Variants in PARD3B observed in about 807,000 individuals in gnomAD.
PARD3B encodes par-3 family cell polarity regulator beta.
In PARD3B, 103 loss-of-function variants were observed where a neutral mutation model predicts 130.2. The observed-to-expected ratio is 0.79, with a 90% CI of 0.67 to 0.93. The LOEUF (loss-of-function observed/expected upper bound fraction) is 0.93. PARD3B is among the 40% of genes least tolerant of loss of function. The probability of loss-of-function intolerance (pLI) is 0.00; values close to 1 mark genes in which losing one functional copy is unlikely to be tolerated. For synonymous variants in PARD3B, 583 were observed against 553.2 expected, an observed-to-expected ratio of 1.05 and a Z score of -0.76; for missense variants, 1,609 against 1,499.2, an observed-to-expected ratio of 1.07 and a Z score of -1.21.
intron 16 of PARD3B, among the ~76,000 whole-genome samples, chr2:205,250,844 G>A (rs139087616): frequency 0.063 from 9,644 of 152,164 alleles, 485 homozygotes; most frequent in East Asian, 0.26. Flanking sequence ...CAAGAGAATC[G>A]CTTGAACCCA....
At chr2:205,147,726 G>C (rs1045436059) in intron 10 of PARD3B, among the ~76,000 whole-genome samples, 2 of 152,094 alleles carry the variant, frequency 1.3e-5, no homozygotes, top group African/African-American at 4.8e-5. Context: ...AGTCACATAA[G>C]GACGTATATT....
intron 19 of PARD3B, among the ~76,000 whole-genome samples, chr2:205,434,682 T>A (rs1363643296): frequency 6.6e-6 from 1 of 152,060 alleles, no homozygotes; most frequent in Non-Finnish European, 1.5e-5. Flanking sequence ...TGAGTAATAT[T>A]AGGAAAAGCA....
At chr2:204,588,591 A>G (rs760851077) in intron 1 of PARD3B, among the ~76,000 whole-genome samples, 5 of 152,140 alleles carry the variant, frequency 3.3e-5, no homozygotes, top group African/African-American at 4.8e-5. Context: ...ATTGTTCCTA[A>G]TCTTTATTCT....
intron 22 of PARD3B, among the ~76,000 whole-genome samples, chr2:205,603,234 T>A (rs779140538): frequency 5.3e-5 from 8 of 152,078 alleles, no homozygotes; most frequent in Non-Finnish European, 1.0e-4. Context: ...ATGATTTCAA[T>A]TCTTTTGCAT....
intron 10 of PARD3B, among the ~76,000 whole-genome samples, chr2:205,134,415 T>TAC (rs1232583917): frequency 6.6e-6 from 1 of 151,226 alleles, no homozygotes; most frequent in Admixed American, 6.6e-5. Flanking sequence ...TCCCAGCCAC[T>TAC]TGGTAGGCTG....
chr2:205,595,193 C>G (rs2054524811), intron 22 of PARD3B, among the ~76,000 whole-genome samples: 1 of 152,144 alleles, frequency 6.6e-6, no homozygotes, highest in South Asian at 2.1e-4. Flanking sequence ...TCCCAGTGCA[C>G]TGATGCACCC....
intron 15 of PARD3B, among the ~76,000 whole-genome samples, chr2:205,242,485 T>A (rs1003159166): frequency 2.6e-5 from 4 of 152,166 alleles, no homozygotes; most frequent in Non-Finnish European, 5.9e-5. Flanking sequence ...AACCGTACAG[T>A]CTAGTGTACT....
rs558127888 is a variant in PARD3B at position 205,585,847 on chromosome 2, A to G, written c.3261-29609A>G. ...GAAAGCCTTGTCAGCACTGTGGATG[A>G]TAAGTATCCACCCTCCGGCCACAGC... On this transcript the variant is annotated intron_variant, in intron 22 of 22. Coordinates refer to ENST00000406610, the MANE Select transcript of PARD3B (RefSeq NM_001302769.2). This position sits in a 1 kb window ranked among gnomAD's most constrained non-coding sequence, Gnocchi z 5.4. Among the ~76,000 whole-genome samples, 3 of 152,216 alleles carry G rather than the reference A, an allele frequency of 2.0e-5. No homozygotes were observed. The East Asian group carries it at 5.8e-4, about 29-fold the overall frequency.
intron 20 of PARD3B, among the ~76,000 whole-genome samples, chr2:205,452,627 C>T (rs2048142673): frequency 6.6e-6 from 1 of 152,138 alleles, no homozygotes. Context: ...CTAATAGTAA[C>T]TGATATACCA....
At chr2:205,034,249 A>G (rs1430720064) in intron 3 of PARD3B, among the ~76,000 whole-genome samples, 1 of 152,174 alleles carries the variant, frequency 6.6e-6, no homozygotes, top group Non-Finnish European at 1.5e-5. Context: ...CTATTCTGCT[A>G]GGGATCCTAA....
At chr2:204,718,456 C>G (rs893363916) in intron 2 of PARD3B, among the ~76,000 whole-genome samples, 1 of 152,062 alleles carries the variant, frequency 6.6e-6, no homozygotes, top group Non-Finnish European at 1.5e-5. Context: ...GGGAAACCAC[C>G]GCTTACAAAA....
chr2:205,193,278 C>G lies in PARD3B; in HGVS notation c.2098C>G (p.Pro700Ala), dbSNP rs141261848. Reference sequence around the variant, plus strand: ...CAGATCTGTGACACCGGCCAGGCAGCCTGAATCAATTAATTTGAAAGCCTC... The same window carrying G: ...CAGATCTGTGACACCGGCCAGGCAGGCTGAATCAATTAATTTGAAAGCCTC... The part of the protein sequence containing the change: ...NFRSVTPARQ[P>A]ESINLKASKS... The change falls in exon 15 of 23, where the codon CCT becomes GCT. Residue 700 changes from proline to alanine, a missense_variant. Coordinates refer to ENST00000406610, the MANE Select transcript of PARD3B (RefSeq NM_001302769.2). 805 of 1,613,554 alleles carry G rather than the reference C, an allele frequency of 5.0e-4. 5 individuals carry two copies. The African/African-American group carries it at 9.3e-3, about 19-fold the overall frequency.
intron 18 of PARD3B, among the ~76,000 whole-genome samples, chr2:205,380,081 AAT>A (rs2045256851): frequency 7.2e-6 from 1 of 138,586 alleles, no homozygotes; most frequent in African/African-American, 2.7e-5. Context: ...AAAAAAAAAA[AAT>A]ATGTATATAT....
intron 18 of PARD3B, among the ~76,000 whole-genome samples, chr2:205,354,643 C>G (rs770703922): frequency 3.3e-5 from 5 of 152,082 alleles, no homozygotes; most frequent in Non-Finnish European, 7.4e-5. Context: ...GATGAAGATT[C>G]CTTCTCTGAT....
chr2:205,130,473 A>G (rs1289523927), intron 10 of PARD3B, among the ~76,000 whole-genome samples: 1 of 152,122 alleles, frequency 6.6e-6, no homozygotes, highest in Non-Finnish European at 1.5e-5. Flanking sequence ...TCATGGCTTC[A>G]TTTCTTTAAG....
intron 18 of PARD3B, among the ~76,000 whole-genome samples, chr2:205,386,475 C>T (rs145805353): frequency 3.4e-4 from 51 of 152,020 alleles, no homozygotes; most frequent in African/African-American, 1.2e-3. Context: ...TGTGAACAAG[C>T]GTGAGGATGT....
At chr2:204,883,833 G>A (rs190861637) in intron 2 of PARD3B, among the ~76,000 whole-genome samples, 2 of 151,670 alleles carry the variant, frequency 1.3e-5, no homozygotes, top group Admixed American at 6.6e-5. Flanking sequence ...TCCACCTCTC[G>A]GTTCAAGCAA....
rs539639910 is a variant in PARD3B, at chr2:204,589,111, G to T, written c.120+42992G>T. ...GGTAGACTGGTGGAGGCTTAGGACA[G>T]TACTGTCTCCCTCAAGGAGCTGTAT... On this transcript the variant is annotated intron_variant, in intron 1 of 22. Coordinates refer to ENST00000406610, the MANE Select transcript of PARD3B (RefSeq NM_001302769.2). 2.0e-5 allele frequency among the ~76,000 whole-genome samples: 3 copies of T among 152,258 alleles called. No homozygotes were observed. In the East Asian group the frequency reaches 5.8e-4, roughly 29 times the overall value.
intron 3 of PARD3B, among the ~76,000 whole-genome samples, chr2:205,012,236 C>T (rs977045586): frequency 3.3e-5 from 5 of 152,156 alleles, no homozygotes; most frequent in South Asian, 2.1e-4. Context: ...TGGTTTTCTT[C>T]GTATTTGTGA....
Sources: allele counts gnomAD v4.1 joint callset (sites outside exome capture counted in the v4.1 genomes callset), GRCh38; gene constraint gnomAD v4.1.1; non-coding constraint Gnocchi (gnomAD v3.1); transcripts MANE v1.5; gene names NCBI Gene and HGNC (gene_info 2026-07-23, HGNC 2026-07-21).